Variants in PSMB7 observed in about 807,000 individuals in gnomAD.
PSMB7 encodes proteasome 20S subunit beta 7.
PSMB7 carries 5 observed loss-of-function variants against 28.1 expected under a neutral mutation model. That is an observed-to-expected ratio of 0.18 (90% CI 0.09 to 0.37). PSMB7 has a LOEUF of 0.37. PSMB7 is among the 10% of genes least tolerant of loss of function. PSMB7 has a pLI of 1.00. For missense variants in PSMB7, 275 were observed against 346.2 expected, an observed-to-expected ratio of 0.79 and a Z score of 1.63; for synonymous variants, 122 against 123.7, an observed-to-expected ratio of 0.99 and a Z score of 0.09.
chr9:124,372,079 C>T (rs149377166), intron 6 of PSMB7, among the ~76,000 whole-genome samples: 104 of 152,350 alleles, frequency 6.8e-4, no homozygotes, highest in Middle Eastern at 3.4e-3. Context: ...GGAACACCTG[C>T]TCCAAAGAAA....
At chr9:124,393,715 T>G (rs1026479263) in intron 5 of PSMB7, among the ~76,000 whole-genome samples, 2 of 152,246 alleles carry the variant, frequency 1.3e-5, no homozygotes, top group Non-Finnish European at 2.9e-5. Flanking sequence ...CTCATTGACC[T>G]GACAGGTTAT....
At chr9:124,378,159 A>G (rs1830631902) in intron 6 of PSMB7, among the ~76,000 whole-genome samples, 1 of 152,276 alleles carries the variant, frequency 6.6e-6, no homozygotes, top group Non-Finnish European at 1.5e-5. Flanking sequence ...GATTCTAGCA[A>G]AAGAATTTTT....
intron 6 of PSMB7, among the ~76,000 whole-genome samples, chr9:124,365,995 A>G (rs6478659): frequency 0.49 from 74,569 of 152,152 alleles, 18,703 homozygotes; most frequent in East Asian, 0.69. Context: ...TGTGGACGCA[A>G]AAGACGGTGA....
chr9:124,396,714 T>C (rs764893968), intron 5 of PSMB7: 79 of 453,222 alleles, frequency 1.7e-4, no homozygotes, highest in Non-Finnish European at 3.4e-4. Flanking sequence ...TAATTCTCTA[T>C]GTGGATAAGC....
chr9:124,412,178 T>A (rs910491503), intron 4 of PSMB7, among the ~76,000 whole-genome samples, 174 bp downstream of exon 4: 11 of 152,166 alleles, frequency 7.2e-5, no homozygotes, highest in Admixed American at 1.3e-4. Context: ...CCCCAGAAAT[T>A]CAAATGCACC....
intron 6 of PSMB7, among the ~76,000 whole-genome samples, chr9:124,363,761 G>A (rs983131294): frequency 5.9e-5 from 9 of 152,124 alleles, no homozygotes; most frequent in African/African-American, 1.7e-4. Context: ...CTTGCTGTGC[G>A]TGCAGGAGTT....
At chr9:124,397,631 G>GA (rs951909575) in intron 5 of PSMB7, among the ~76,000 whole-genome samples, 47 of 149,446 alleles carry the variant, frequency 3.1e-4, no homozygotes, top group African/African-American at 3.9e-4. Context: ...TCAGAAAAAA[G>GA]AAAAAAAAAG....
chr9:124,357,260 A>C lies in PSMB7; in HGVS notation c.571-345T>G, dbSNP rs1830418482. ...GTGGCCAAAAGTCTCTACCACACCT[A>C]CTCAACTCTGTCACGCTAGCACAAA... On this transcript the variant is annotated intron_variant, in intron 6 of 7. Transcript: ENST00000259457. Among the ~76,000 whole-genome samples the C allele has an allele frequency of 1.3e-5, 2 of 152,184 alleles. 1 individual carries two copies. The highest frequency in any genetic ancestry group is 4.1e-4 in the South Asian group (2 of 4,832).
intron 6 of PSMB7, among the ~76,000 whole-genome samples, chr9:124,365,140 C>T (rs1443038436): frequency 2.0e-5 from 3 of 152,320 alleles, no homozygotes; most frequent in Non-Finnish European, 2.9e-5. Context: ...GCATCACGAG[C>T]GGCCTGCTAT....
intron 6 of PSMB7, among the ~76,000 whole-genome samples, chr9:124,376,157 T>TC (rs1423462234): frequency 6.6e-6 from 1 of 151,334 alleles, no homozygotes; most frequent in Admixed American, 6.6e-5. Flanking sequence ...GCTTATTTTT[T>TC]TTATTTTTGT....
At chr9:124,407,522 T>C (rs1260516533) in intron 4 of PSMB7, among the ~76,000 whole-genome samples, 3 of 152,178 alleles carry the variant, frequency 2.0e-5, no homozygotes, top group Non-Finnish European at 4.4e-5. Context: ...CCTATTCCAC[T>C]ATGCCAACTG....
chr9:124,357,540 A>ATC (rs1830422129), intron 6 of PSMB7, among the ~76,000 whole-genome samples: 1 of 152,190 alleles, frequency 6.6e-6, no homozygotes, highest in Non-Finnish European at 1.5e-5. Flanking sequence ...GCCCAGAATA[A>ATC]TCTCTCTCTC....
At chr9:124,394,140 T>A (rs1830819472) in intron 5 of PSMB7, among the ~76,000 whole-genome samples, 1 of 152,186 alleles carries the variant, frequency 6.6e-6, no homozygotes, top group Non-Finnish European at 1.5e-5. Context: ...ATTGTATGGA[T>A]GGAAGAAGCT....
intron 5 of PSMB7, among the ~76,000 whole-genome samples, chr9:124,392,989 T>G (rs1320607225): frequency 6.6e-6 from 1 of 152,192 alleles, no homozygotes; most frequent in Admixed American, 6.5e-5. Flanking sequence ...ACTTGCTCAT[T>G]GTTAGTCAAC....
intron 6 of PSMB7, among the ~76,000 whole-genome samples, chr9:124,381,982 G>A (rs999763521): frequency 1.3e-5 from 2 of 151,720 alleles, no homozygotes; most frequent in African/African-American, 2.4e-5. Context: ...ATTTTCAGCC[G>A]GGCATGGTGG....
chr9:124,362,565 G>A (rs1307849156), intron 6 of PSMB7, among the ~76,000 whole-genome samples: 1 of 152,178 alleles, frequency 6.6e-6, no homozygotes, highest in Admixed American at 6.5e-5. Context: ...GATTTAACTC[G>A]TAAGAAGTGA....
At chr9:124,387,225 G>A (rs887361061) in intron 5 of PSMB7, among the ~76,000 whole-genome samples, 11 of 152,194 alleles carry the variant, frequency 7.2e-5, no homozygotes, top group South Asian at 4.2e-4. Flanking sequence ...CAGCCTGGGC[G>A]ACAGAGCAAG....
At chr9:124,368,880 C>A (rs1025656711) in intron 6 of PSMB7, among the ~76,000 whole-genome samples, 2 of 152,162 alleles carry the variant, frequency 1.3e-5, no homozygotes, top group Admixed American at 6.5e-5. Context: ...ACAGGGGTTA[C>A]ACAAGAGGCA....
chr9:124,362,290 AAG>A (rs1405725942), intron 6 of PSMB7, among the ~76,000 whole-genome samples: 2 of 152,212 alleles, frequency 1.3e-5, no homozygotes, highest in Non-Finnish European at 2.9e-5. Flanking sequence ...GCAGAAAACA[AAG>A]AGATACTCAG....
Sources: gnomAD v4.1 joint callset for allele counts (sites outside exome capture counted in the v4.1 genomes callset) on GRCh38, gnomAD v4.1.1 for gene constraint, MANE v1.5 for transcripts, NCBI Gene and HGNC (gene_info 2026-07-23, HGNC 2026-07-21) for gene names.